Variants in ANKFN1 observed in about 807,000 individuals in gnomAD.
ANKFN1 encodes the protein ankyrin repeat and fibronectin type III domain containing 1, also known as ankyrin repeat and fibronectin type-III domain-containing protein 1.
In ANKFN1, 74 loss-of-function variants were observed where a neutral mutation model predicts 108.7. The ratio of observed to expected loss-of-function variants is 0.68; its 90% CI spans 0.56 to 0.83. The LOEUF is 0.83. Ranked by LOEUF, ANKFN1 falls within the 40% of genes least tolerant of loss-of-function variation. The pLI is 0.00. For synonymous variants in ANKFN1, 547 were observed against 516.2 expected (o/e 1.06, Z -0.81); for missense variants, 1,505 against 1,382.3 (o/e 1.09, Z -1.41).
chr17:56,480,133 A>T (rs7222176), intron 16 of ANKFN1, among the ~76,000 whole-genome samples: 120,146 of 152,186 alleles, frequency 0.79, 47,854 homozygotes, highest in East Asian at 0.97. Flanking sequence ...TTGGTTCCTT[A>T]TATTGGAATT....
At chr17:56,343,526 T>C (rs1226479400) in intron 4 of ANKFN1, among the ~76,000 whole-genome samples, 2 of 151,938 alleles carry the variant, frequency 1.3e-5, no homozygotes, top group Non-Finnish European at 2.9e-5. Flanking sequence ...TAACTTTCTC[T>C]CTATGTCTTT....
chr17:56,078,966 A>G (rs1424378574), intron 4 of ANKFN1, among the ~76,000 whole-genome samples: 1 of 152,172 alleles, frequency 6.6e-6, no homozygotes, highest in Non-Finnish European at 1.5e-5. Context: ...AGTACACCAC[A>G]CTGGCAGGAT....
At chr17:56,111,975 G>A (rs1172803597) in intron 4 of ANKFN1, among the ~76,000 whole-genome samples, 1 of 152,140 alleles carries the variant, frequency 6.6e-6, no homozygotes, top group African/African-American at 2.4e-5. Flanking sequence ...TGTTGCCTGG[G>A]CTATATATTT....
intron 3 of ANKFN1, among the ~76,000 whole-genome samples, chr17:56,322,772 A>G (rs1011975076): frequency 6.6e-6 from 1 of 152,154 alleles, no homozygotes; most frequent in African/African-American, 2.4e-5. Context: ...TAATAATTCT[A>G]TGTTCCCTTA....
intron 3 of ANKFN1, among the ~76,000 whole-genome samples, chr17:56,245,486 T>C (rs1342605818): frequency 1.3e-5 from 2 of 152,178 alleles, no homozygotes; most frequent in Non-Finnish European, 2.9e-5. Context: ...ATTTCACTGC[T>C]AGTTTTGACA....
chr17:56,249,360 G>A (rs1012574502), intron 3 of ANKFN1, among the ~76,000 whole-genome samples: 5 of 151,940 alleles, frequency 3.3e-5, no homozygotes, highest in African/African-American at 4.8e-5. Flanking sequence ...CTTGAACTTG[G>A]GAGGCAGAGA....
At chr17:56,501,606 C>G (rs2145455835) in intron 20 of ANKFN1, among the ~76,000 whole-genome samples, 1 of 152,204 alleles carries the variant, frequency 6.6e-6, no homozygotes, top group Non-Finnish European at 1.5e-5. Flanking sequence ...GAGTCTAGAA[C>G]TCAGGAAAGA....
At chr17:56,049,403 T>TTA (rs57242733) in intron 4 of ANKFN1, among the ~76,000 whole-genome samples, 3 of 148,162 alleles carry the variant, frequency 2.0e-5, no homozygotes, top group South Asian at 2.2e-4. Context: ...GATTTTTTTT[T>TTA]ATTATACTTT....
At chr17:56,380,977 T>C (rs907870128) in intron 8 of ANKFN1, among the ~76,000 whole-genome samples, 39 of 152,284 alleles carry the variant, frequency 2.6e-4, no homozygotes, top group Middle Eastern at 6.8e-3. Context: ...ACGGGCAGAC[T>C]GCCTCCTCAA....
intron 15 of ANKFN1, chr17:56,472,001 C>T (rs1163177132): frequency 6.6e-6 from 1 of 152,164 alleles, no homozygotes; most frequent in African/African-American, 2.4e-5. Flanking sequence ...ACGCTAAAAC[C>T]ACTGAATTAC....
At chr17:56,213,149 C>T (rs1399971749) in intron 2 of ANKFN1, among the ~76,000 whole-genome samples, 1 of 152,170 alleles carries the variant, frequency 6.6e-6, no homozygotes, top group East Asian at 1.9e-4. Flanking sequence ...TACAGAGCAG[C>T]TGGGACGCTT....
At chr17:56,223,348 A>G (rs532447732) in intron 2 of ANKFN1, among the ~76,000 whole-genome samples, 1 of 152,274 alleles carries the variant, frequency 6.6e-6, no homozygotes, top group African/African-American at 2.4e-5. Flanking sequence ...TGGGTTTTTA[A>G]ATATTTTCTA....
At chr17:56,063,755 C>A (rs1039583751) in intron 4 of ANKFN1, among the ~76,000 whole-genome samples, 6 of 152,076 alleles carry the variant, frequency 3.9e-5, no homozygotes, top group African/African-American at 1.4e-4. Context: ...TCTGTCAATT[C>A]ATCCATCTCA....
intron 6 of ANKFN1, among the ~76,000 whole-genome samples, chr17:56,357,529 G>A (rs2046406460): frequency 6.6e-6 from 1 of 152,180 alleles, no homozygotes; most frequent in Non-Finnish European, 1.5e-5. Context: ...CCTTTCTACT[G>A]TTTGCTAAAG....
chr17:56,152,240 A>T (rs1908681053), upstream of ANKFN1, among the ~76,000 whole-genome samples: 1 of 143,516 alleles, frequency 7.0e-6, no homozygotes, highest in South Asian at 2.3e-4. Context: ...ACCATCTTGC[A>T]GGGAAATATA....
chr17:56,476,910 G>A (rs778376792), intron 15 of ANKFN1, among the ~76,000 whole-genome samples: 10 of 152,098 alleles, frequency 6.6e-5, no homozygotes, highest in African/African-American at 1.7e-4. Context: ...GAATTAGTGC[G>A]TAATTATAGC....
rs990392630 is a variant in ANKFN1 at position 56,126,450 on chromosome 17, T to C, written c.288+80125T>C. On this transcript the variant is annotated intron_variant, in intron 4 of 12. Transcript: ENST00000635860. The stretch of plus-strand genomic sequence containing the variant: ...AGGGGGGAGGGGAGGCTTCGTCATA[T>C]GTTCCAATTTTTATTGCTACATTCC... Among the ~76,000 whole-genome samples the C allele has an allele frequency of 6.6e-5, 10 of 152,160 alleles. 1 individual carries two copies. Among genetic ancestry groups the C allele is most frequent in the African/African-American group, 2.4e-4 (10 of 41,434 alleles).
At chr17:56,498,156 A>G (rs2051259148) in intron 19 of ANKFN1, among the ~76,000 whole-genome samples, 1 of 152,186 alleles carries the variant, frequency 6.6e-6, no homozygotes. Flanking sequence ...GGATGTTTAA[A>G]TTATTTAAGA....
chr17:56,446,860 G>T (rs539516645), intron 10 of ANKFN1, among the ~76,000 whole-genome samples: 1 of 152,040 alleles, frequency 6.6e-6, no homozygotes, highest in Admixed American at 6.6e-5. Context: ...AGCTAAGATC[G>T]CACCACTGCA....
Sources: gnomAD v4.1 joint callset for allele counts (sites outside exome capture counted in the v4.1 genomes callset) on GRCh38, gnomAD v4.1.1 for gene constraint, MANE v1.5 for transcripts, NCBI Gene and HGNC (gene_info 2026-07-23, HGNC 2026-07-21) for gene names.